Variants in HACL1 observed in about 807,000 individuals in gnomAD.
The protein encoded by HACL1 is 2-hydroxyacyl-CoA lyase 1.
In HACL1, 64 loss-of-function variants were observed where a neutral mutation model predicts 74.2. The ratio of observed to expected loss-of-function variants is 0.86; its 90% CI spans 0.70 to 1.06. HACL1 has a LOEUF of 1.06. HACL1 is among the 50% of genes least tolerant of loss of function. The pLI, the probability that HACL1 is intolerant of heterozygous loss-of-function variation, is 0.00. For synonymous variants in HACL1, 230 were observed against 238.8 expected, an observed-to-expected ratio of 0.96 and a Z score of 0.34; for missense variants, 728 against 719.7, an observed-to-expected ratio of 1.01 and a Z score of -0.13.
At chr3:15,572,626 A>G (rs892990575) in intron 11 of HACL1, among the ~76,000 whole-genome samples, 1 of 152,248 alleles carries the variant, frequency 6.6e-6, no homozygotes, top group African/African-American at 2.4e-5. Context: ...CAACAATACC[A>G]AATTGTATCA....
chr3:15,592,349 A>G (rs1424562848), intron 3 of HACL1, among the ~76,000 whole-genome samples: 1 of 137,298 alleles, frequency 7.3e-6, no homozygotes, highest in African/African-American at 3.4e-5. Flanking sequence ...ACCAGAGTAT[A>G]CTCTATATAT....
At chr3:15,561,536 A>C (rs1426325207) in intron 16 of HACL1, among the ~76,000 whole-genome samples, 1 of 152,240 alleles carries the variant, frequency 6.6e-6, no homozygotes, top group Non-Finnish European at 1.5e-5. Flanking sequence ...ATATTTCTCC[A>C]GCAATATCCA....
chr3:15,600,945 AAC>A, intron 2 of HACL1, 143 bp downstream of exon 2: 2 of 644,532 alleles, frequency 3.1e-6, no homozygotes, highest in Non-Finnish European at 5.7e-6. Context: ...TTGGTGTAAC[AAC>A]AGTTAATATT....
intron 5 of HACL1, among the ~76,000 whole-genome samples, chr3:15,587,475 G>A (rs1017259106): frequency 4.9e-5 from 7 of 143,360 alleles, no homozygotes; most frequent in Non-Finnish European, 1.1e-4. Flanking sequence ...TTCAGTCTAT[G>A]TTCATGCCCT....
chr3:15,566,205 T>G (rs2063431668), intron 14 of HACL1, among the ~76,000 whole-genome samples: 1 of 152,196 alleles, frequency 6.6e-6, no homozygotes, highest in African/African-American at 2.4e-5. Flanking sequence ...GAGCCCTGGC[T>G]AAGAATAGAA....
chr3:15,596,790 T>G (rs1018279685), intron 2 of HACL1, among the ~76,000 whole-genome samples: 2 of 152,192 alleles, frequency 1.3e-5, no homozygotes, highest in Admixed American at 6.5e-5. Flanking sequence ...AGAACAAATT[T>G]TTTTAGTTCT....
At chr3:15,595,546 G>T (rs1574948382) in intron 3 of HACL1, among the ~76,000 whole-genome samples, 1 of 148,052 alleles carries the variant, frequency 6.8e-6, no homozygotes, top group East Asian at 2.0e-4. Context: ...AAAACTGGAA[G>T]AAAATGACCA....
At chr3:15,572,690 G>A (rs1168238707) in intron 11 of HACL1, among the ~76,000 whole-genome samples, 2 of 152,322 alleles carry the variant, frequency 1.3e-5, no homozygotes, top group East Asian at 1.9e-4. Context: ...ACAGTGAAAT[G>A]TACAAACTAT....
In HACL1 at chr3:15,575,087, T is replaced by TA. The variant is rs1396349057; in HGVS notation, c.804-6dup. On this transcript the variant is annotated splice_region_variant and splice_polypyrimidine_tract_variant and intron_variant, in intron 9 of 16. Transcript: ENST00000321169. ...ACATCAGCAAATTGCAAAGCCCTAT[T>TA]AAAAAAATTGATATGAAAGTATAAC... 6 of 1,410,060 alleles carry TA rather than the reference T, an allele frequency of 4.3e-6. No homozygotes were observed. The highest frequency in any genetic ancestry group is 6.0e-6 in the Non-Finnish European group (6 of 998,238). The allele number at this position is 1,410,060 out of a possible 1,614,324, so 87.3% of individuals were successfully genotyped here. A position where few individuals can be genotyped will look rare whatever the true frequency, so the allele number is the denominator to read the frequency against.
chr3:15,574,245 A>G (rs544663779), intron 10 of HACL1, among the ~76,000 whole-genome samples: 9 of 152,310 alleles, frequency 5.9e-5, no homozygotes, highest in African/African-American at 2.2e-4. Flanking sequence ...GTACGCGTCT[A>G]TAGTCCCAGC....
intron 3 of HACL1, among the ~76,000 whole-genome samples, chr3:15,591,951 A>G (rs1160162617): frequency 9.3e-5 from 14 of 149,982 alleles, no homozygotes; most frequent in Non-Finnish European, 3.0e-5. Flanking sequence ...ATATATACAC[A>G]CACTATATAC....
rs901012098 is a variant in HACL1 at position 15,601,554 on chromosome 3, C to T, written c.-91G>A. 6.2e-7 allele frequency: 1 copy of T among 1,603,766 alleles called. No individual in the cohort carries two copies. Among genetic ancestry groups the T allele is most frequent in the Admixed American group, 1.7e-5 (1 of 59,578 alleles). ...ACGCGAAATCGGCAGCACGCCACCT[C>T]TGGTACTGCACCTCTGACGGACAGG... On this transcript the variant is annotated 5_prime_UTR_variant, in exon 1 of 17. Transcript: ENST00000321169.
At chr3:15,572,691 T>A (rs543061285) in intron 11 of HACL1, among the ~76,000 whole-genome samples, 8 of 152,372 alleles carry the variant, frequency 5.3e-5, no homozygotes, top group Non-Finnish European at 1.0e-4. Flanking sequence ...CAGTGAAATG[T>A]ACAAACTATG....
At position 15,589,603 on chromosome 3, in the gene HACL1, A is replaced by T. The variant is rs1238974619; in HGVS notation, c.318T>A (p.Leu106=). 2 of 1,604,032 alleles carry T rather than the reference A, an allele frequency of 1.2e-6. No individual in the cohort carries two copies. The highest frequency in any genetic ancestry group is 1.7e-6 in the Non-Finnish European group (2 of 1,170,960). The part of the protein sequence containing the change: ...ANANMNCWPL[L]VIGGSSERNQ... ...TTCTTTCAGAGGAACCACCAATCACAAGCAAGGGCCTGAAACAATCATTTT... is the reference window on the plus strand; with the variant it reads ...TTCTTTCAGAGGAACCACCAATCACTAGCAAGGGCCTGAAACAATCATTTT... The change falls in exon 5 of 17, where the codon CTT becomes CTA. Residue 106 remains leucine, a synonymous_variant. Transcript: ENST00000321169.
rs745745319 is a variant in HACL1 at position 15,571,783 on chromosome 3, A to C, written c.994-14T>G. The stretch of plus-strand genomic sequence containing the variant: ...TTCCTCTAAAAGCTTAAAAAAAAAA[A>C]AACACACACACACAAACACATAAAC... On this transcript the variant is annotated splice_polypyrimidine_tract_variant and intron_variant, in intron 11 of 16. Coordinates refer to ENST00000321169, the MANE Select transcript of HACL1 (RefSeq NM_012260.4). 1 of 908,926 alleles carries C rather than the reference A, an allele frequency of 1.1e-6. No individual in the cohort carries two copies. Among genetic ancestry groups the C allele is most frequent in the Non-Finnish European group, 1.8e-6 (1 of 570,434 alleles). The allele number at this position is 908,926 out of a possible 1,614,324, so 56.3% of individuals were successfully genotyped here.
In HACL1 at chr3:15,563,545, C is replaced by A; in HGVS notation, c.1518-1G>T. ...TGGCAGCAAACACATTGGAGGGACC[C>A]TGAAAAACAAGGTCATGAGTCAATG... On this transcript the variant is annotated splice_acceptor_variant, in intron 15 of 16. Transcript: ENST00000321169. LOFTEE classifies it high-confidence loss of function. 6.3e-7 allele frequency: 1 copy of A among 1,588,538 alleles called. No individual in the cohort carries two copies. The highest frequency in any genetic ancestry group is 8.6e-7 in the Non-Finnish European group (1 of 1,159,598).
chr3:15,574,898 A>G (rs2063596189), intron 10 of HACL1, 79 bp downstream of exon 10: 2 of 625,472 alleles, frequency 3.2e-6, no homozygotes, highest in African/African-American at 1.8e-5. Context: ...AATCAAGAAG[A>G]TAACAGAGCT....
intron 3 of HACL1, among the ~76,000 whole-genome samples, chr3:15,592,402 G>A (rs923736500): frequency 2.7e-5 from 4 of 149,524 alleles, no homozygotes; most frequent in Non-Finnish European, 3.0e-5. Context: ...GTGTATACAT[G>A]TAGACACACG....
In HACL1 at chr3:15,569,054, C is replaced by T. The variant is rs553027750; in HGVS notation, c.1096-468G>A. 2.6e-5 allele frequency among the ~76,000 whole-genome samples: 4 copies of T among 152,204 alleles called. No homozygotes were observed. In the South Asian group the frequency reaches 8.3e-4, roughly 32 times the overall value. On this transcript the variant is annotated intron_variant, in intron 12 of 16. Transcript: ENST00000321169. The stretch of plus-strand genomic sequence containing the variant: ...ATACAATCTGAAAATCTAGTTTTTC[C>T]CCCAACACACTTAAGAGTTAAAGGA...
Sources: allele counts gnomAD v4.1 joint callset (sites outside exome capture counted in the v4.1 genomes callset), GRCh38; gene constraint gnomAD v4.1.1; transcripts MANE v1.5; gene names NCBI Gene and HGNC (gene_info 2026-07-23, HGNC 2026-07-21).